Variants in ARHGAP15 observed in about 807,000 individuals in gnomAD.
ARHGAP15 encodes the protein rho GTPase-activating protein 15.
A neutral mutation model predicts 63.7 loss-of-function variants in ARHGAP15; 51 were observed. The observed-to-expected ratio is 0.80, with a 90% CI of 0.64 to 1.01. The LOEUF (loss-of-function observed/expected upper bound fraction) is 1.01, where lower values mean the gene tolerates loss of function less well. Among genes scored for constraint, ARHGAP15 ranks in the 50% least tolerant of loss-of-function variants. ARHGAP15 has a pLI of 0.00. For missense variants in ARHGAP15, 560 were observed against 564.6 expected, an observed-to-expected ratio of 0.99 and a Z score of 0.08; for synonymous variants, 191 against 193.8, an observed-to-expected ratio of 0.99 and a Z score of 0.12.
At chr2:143,369,338 G>T (rs904910541) in intron 6 of ARHGAP15, among the ~76,000 whole-genome samples, 1 of 151,882 alleles carries the variant, frequency 6.6e-6, no homozygotes, top group African/African-American at 2.4e-5. Flanking sequence ...GGGAAAGATT[G>T]TAAATATCAT....
At chr2:143,676,667 C>A (rs1030774496) in intron 12 of ARHGAP15, 1 of 152,060 alleles carries the variant, frequency 6.6e-6, no homozygotes, top group South Asian at 2.1e-4. Context: ...CTCATATGGG[C>A]GCAGTTTGTG....
At chr2:143,635,280 C>T (rs1295695733) in intron 12 of ARHGAP15, among the ~76,000 whole-genome samples, 5 of 142,626 alleles carry the variant, frequency 3.5e-5, no homozygotes, top group African/African-American at 5.2e-5. Flanking sequence ...CTCGAACTCC[C>T]GGACTCAAGC....
intron 12 of ARHGAP15, among the ~76,000 whole-genome samples, chr2:143,691,557 A>G (rs193060774): frequency 1.3e-5 from 2 of 152,280 alleles, no homozygotes; most frequent in East Asian, 1.9e-4. Context: ...TATTCTCCTC[A>G]AACTGGCACC....
intron 6 of ARHGAP15, among the ~76,000 whole-genome samples, chr2:143,346,127 C>T (rs922359937): frequency 5.3e-5 from 8 of 151,760 alleles, no homozygotes; most frequent in South Asian, 4.2e-4. Flanking sequence ...TTGACTGCCA[C>T]GATACAGTCA....
In ARHGAP15 at chr2:143,238,768, C is replaced by T. The variant is rs116436268; in HGVS notation, c.384+10100C>T. ...TGTATGTTCATTGCAGCACTGTTTA[C>T]GATAGCAAAGACATGGAATCAACCT... On this transcript the variant is annotated intron_variant, in intron 5 of 13. Coordinates refer to ENST00000295095, the MANE Select transcript of ARHGAP15 (RefSeq NM_018460.4). Among the ~76,000 whole-genome samples the T allele has an allele frequency of 3.2e-3, 482 of 152,126 alleles. 2 individuals are homozygous for T. The highest frequency in any genetic ancestry group is 5.1e-3 in the Non-Finnish European group (349 of 67,996).
intron 6 of ARHGAP15, among the ~76,000 whole-genome samples, chr2:143,337,258 A>G (rs889666445): frequency 1.3e-5 from 2 of 152,150 alleles, no homozygotes; most frequent in Non-Finnish European, 2.9e-5. Context: ...AGAAGAAGGT[A>G]GCAGAAGATA....
intron 2 of ARHGAP15, among the ~76,000 whole-genome samples, chr2:143,192,630 C>T (rs1691726613): frequency 1.3e-5 from 2 of 152,186 alleles, no homozygotes; most frequent in Admixed American, 1.3e-4. Flanking sequence ...CACGGGTTTG[C>T]TGTAGATTTG....
chr2:143,568,364 GAC>G (rs1696319614), intron 11 of ARHGAP15, among the ~76,000 whole-genome samples: 1 of 152,200 alleles, frequency 6.6e-6, no homozygotes, highest in Non-Finnish European at 1.5e-5. Context: ...GATATGAACA[GAC>G]ACTTCTCAAA....
intron 2 of ARHGAP15, among the ~76,000 whole-genome samples, chr2:143,188,653 A>AGCTCACTGCAACC (rs1691544772): frequency 7.4e-6 from 1 of 134,626 alleles, no homozygotes; most frequent in African/African-American, 2.8e-5. Flanking sequence ...TATTATTATT[A>AGCTCACTGCAACC]TTTGTCTCCC....
chr2:143,706,661 A>G (rs1173986948), intron 13 of ARHGAP15: 1 of 152,202 alleles, frequency 6.6e-6, no homozygotes, highest in Admixed American at 6.5e-5. Context: ...AGGTTGCACA[A>G]TGGCTGCACA....
At chr2:143,511,308 T>C (rs1693577750) in intron 9 of ARHGAP15, among the ~76,000 whole-genome samples, 1 of 152,196 alleles carries the variant, frequency 6.6e-6, no homozygotes, top group Non-Finnish European at 1.5e-5. Context: ...AAATGAATTT[T>C]TTTTCCCAAT....
chr2:143,228,858 G>T (rs576849021), intron 5 of ARHGAP15, among the ~76,000 whole-genome samples, 190 bp downstream of exon 5: 108 of 152,246 alleles, frequency 7.1e-4, no homozygotes, highest in African/African-American at 2.5e-3. Flanking sequence ...TTATTAAGTG[G>T]TGCATTTGGA....
intron 11 of ARHGAP15, among the ~76,000 whole-genome samples, chr2:143,573,520 T>C (rs1197863723): frequency 1.3e-5 from 2 of 152,182 alleles, no homozygotes; most frequent in East Asian, 3.8e-4. Flanking sequence ...AAAACTGTCT[T>C]GATCAGTGCT....
intron 6 of ARHGAP15, among the ~76,000 whole-genome samples, chr2:143,402,426 A>C (rs1688021128): frequency 6.6e-6 from 1 of 151,800 alleles, no homozygotes; most frequent in South Asian, 2.1e-4. Context: ...GGGAAGATTT[A>C]GCTTCTTCTG....
At chr2:143,187,324 C>T (rs1691491271) in intron 2 of ARHGAP15, among the ~76,000 whole-genome samples, 1 of 152,084 alleles carries the variant, frequency 6.6e-6, no homozygotes, top group South Asian at 2.1e-4. Context: ...CCTTTAACCC[C>T]GACTATGTTT....
chr2:143,253,312 C>T (rs1247899014), intron 6 of ARHGAP15, among the ~76,000 whole-genome samples: 2 of 151,910 alleles, frequency 1.3e-5, no homozygotes, highest in East Asian at 1.9e-4. Flanking sequence ...TTGTATGTGC[C>T]TGAGAAATGT....
intron 9 of ARHGAP15, among the ~76,000 whole-genome samples, chr2:143,515,516 A>G (rs1446847347): frequency 6.6e-6 from 1 of 152,202 alleles, no homozygotes; most frequent in Non-Finnish European, 1.5e-5. Flanking sequence ...CAAGCATCAC[A>G]TCATTGCAAA....
chr2:143,131,989 G>T (rs1688933779), intron 1 of ARHGAP15, among the ~76,000 whole-genome samples: 1 of 150,864 alleles, frequency 6.6e-6, no homozygotes, highest in South Asian at 2.1e-4. Flanking sequence ...CACCTTTCTT[G>T]CAGCAGGTAA....
At chr2:143,499,822 T>G (rs1204282783) in intron 9 of ARHGAP15, among the ~76,000 whole-genome samples, 1 of 152,138 alleles carries the variant, frequency 6.6e-6, no homozygotes, top group Non-Finnish European at 1.5e-5. Context: ...AAGCCTCTCC[T>G]TTGCTTTCTT....
Sources: gnomAD v4.1 joint callset for allele counts (sites outside exome capture counted in the v4.1 genomes callset) on GRCh38, gnomAD v4.1.1 for gene constraint, MANE v1.5 for transcripts, NCBI Gene and HGNC (gene_info 2026-07-23, HGNC 2026-07-21) for gene names.